The following ALG13 variants were observed in gnomAD, a reference collection of about 807,000 sequenced individuals.
The protein encoded by ALG13 is ALG13 UDP-N-acetylglucosaminyltransferase subunit.
ALG13 carries 11 observed loss-of-function variants against 87.8 expected under a neutral mutation model. The observed-to-expected ratio is 0.13, with a 90% CI of 0.08 to 0.21. The LOEUF (loss-of-function observed/expected upper bound fraction) is 0.21. ALG13 is among the 10% of genes least tolerant of loss of function. ALG13 has a pLI of 1.00. For missense variants in ALG13, 756 were observed against 866.1 expected, an observed-to-expected ratio of 0.87 and a Z score of 1.60; for synonymous variants, 320 against 306.3, an observed-to-expected ratio of 1.04 and a Z score of -0.47.
chrX:111,736,211 G>A (rs1400843925), intron 22 of ALG13, among the ~76,000 whole-genome samples: 1 of 111,639 alleles, frequency 9.0e-6, no homozygotes, highest in Non-Finnish European at 1.9e-5. Context: ...GGCTGAGGTG[G>A]GAGAATCACT....
Position 111,730,442 on chromosome X carries a change from G to T in ALG13, c.2401+15G>T, listed in dbSNP as rs767556580. ...TTATCGTGCAGGTCAGTAAGATCTA[G>T]AAGTGATCTGGCATTCATCATTGTT... On this transcript the variant is annotated intron_variant, in intron 20 of 26. Coordinates refer to ENST00000394780, the MANE Select transcript of ALG13 (RefSeq NM_001099922.3). 8.3e-7 allele frequency: 1 copy of T among 1,203,339 alleles called. No individual in the cohort carries two copies. The highest frequency in any genetic ancestry group is 1.8e-5 in the South Asian group (1 of 56,460).
At chrX:111,752,340 ACT>A (rs1392301485) in intron 24 of ALG13, among the ~76,000 whole-genome samples, 1 of 112,036 alleles carries the variant, frequency 8.9e-6, no homozygotes, top group Non-Finnish European at 1.9e-5. Context: ...GTAGTCATTT[ACT>A]ATAAGGTAAA....
intron 5 of ALG13, chrX:111,711,005 A>G (rs1363373985): frequency 8.9e-6 from 1 of 112,690 alleles, no homozygotes; most frequent in Non-Finnish European, 1.9e-5. Flanking sequence ...CCTGTATGTC[A>G]TTTATATCTC....
intron 3 of ALG13, chrX:111,688,735 C>G: frequency 1.4e-6 from 1 of 740,650 alleles, no homozygotes. Flanking sequence ...CAGAAATTTA[C>G]AATTTATGTG....
Position 111,708,403 on chromosome X carries a change from A to G in ALG13, c.750+10A>G, listed in dbSNP as rs1265276008. On this transcript the variant is annotated intron_variant, in intron 4 of 26. Transcript: ENST00000394780. ...GGCCATTTCGGAGCAGGTAAAAGGA[A>G]AACATATCTTCCCTGTACTGAGTTT... 3 of 1,201,500 alleles carry G rather than the reference A, an allele frequency of 2.5e-6. No individual in the cohort carries two copies. Among genetic ancestry groups the G allele is most frequent in the Non-Finnish European group, 2.2e-6 (2 of 890,925 alleles).
chrX:111,681,212 C>G lies in ALG13; in HGVS notation c.-7C>G. ...CCCTTGCGATCAGGGCTTGAGGAAC[C>G]CGCGCCATGAAGTGCGTGTTTGTTA... On this transcript the variant is annotated 5_prime_UTR_variant, in exon 1 of 27. Transcript: ENST00000394780. 3.3e-6 allele frequency: 4 copies of G among 1,210,959 alleles called. No individual in the cohort carries two copies. The highest frequency in any genetic ancestry group is 4.6e-4 in the Middle Eastern group (2 of 4,353).
At chrX:111,707,501 G>GTAA (rs933649158) in intron 3 of ALG13, among the ~76,000 whole-genome samples, 9 of 111,800 alleles carry the variant, frequency 8.1e-5, no homozygotes, top group African/African-American at 2.6e-4. Context: ...AAATATCCAG[G>GTAA]TAATAGCCTT....
chrX:111,713,002 A>AT (rs1940039958), intron 7 of ALG13, among the ~76,000 whole-genome samples: 1 of 111,526 alleles, frequency 9.0e-6, no homozygotes, highest in South Asian at 3.7e-4. Context: ...ATTAAGATAC[A>AT]TAAAAAAAAA....
rs774646647 is a variant in ALG13 at position 111,708,184 on chromosome X, A to T, written c.541A>T (p.Thr181Ser). 1.7e-6 allele frequency: 2 copies of T among 1,209,210 alleles called. No homozygotes were observed. Among genetic ancestry groups the T allele is most frequent in the Admixed American group, 4.4e-5 (2 of 45,676 alleles). The change falls in exon 4 of 27, where the codon ACC becomes TCC. Residue 181 changes from threonine (T) to serine (S), a missense_variant. Coordinates refer to ENST00000394780, the MANE Select transcript of ALG13 (RefSeq NM_001099922.3). ...KQALVTATHP[T>S]CTLLFPSCHA... ...AGCCCTTGTTACTGCTACCCATCCT[A>T]CCTGCACCCTGCTTTTTCCCTCTTG...
intron 26 of ALG13, among the ~76,000 whole-genome samples, chrX:111,758,996 C>A (rs1945511086): frequency 9.1e-6 from 1 of 110,437 alleles, no homozygotes; most frequent in Admixed American, 9.7e-5. Context: ...TTCTCTCTTC[C>A]TTTCCATTTT....
chrX:111,685,812 T>C (rs1000659657), intron 3 of ALG13, among the ~76,000 whole-genome samples: 1 of 111,681 alleles, frequency 9.0e-6, no homozygotes, highest in Non-Finnish European at 1.9e-5. Context: ...GAGCCAGTCA[T>C]GTGAAGATTT....
intron 16 of ALG13, 33 bp from the exon 17 acceptor site, chrX:111,727,297 TAG>T: frequency 1.9e-6 from 2 of 1,070,486 alleles, no homozygotes; most frequent in Non-Finnish European, 2.6e-6. Context: ...TATTAGTGAA[TAG>T]AGAGTTCTAG....
At chrX:111,756,581 T>A (rs1945281092) in intron 25 of ALG13, among the ~76,000 whole-genome samples, 1 of 111,496 alleles carries the variant, frequency 9.0e-6, no homozygotes, top group Admixed American at 9.6e-5. Flanking sequence ...TATTTTAGTC[T>A]TTCAGGGATC....
Position 111,735,116 on chromosome X carries a change from C to A in ALG13, c.2523C>A (p.Pro841=), listed in dbSNP as rs1229717685. Residue 841 remains proline (P), a synonymous_variant, in exon 22 of 27, where the codon CCC becomes CCA. Coordinates refer to ENST00000394780, the MANE Select transcript of ALG13 (RefSeq NM_001099922.3). The part of the protein sequence containing the change: ...PQDTVTSYNY[P]QKMMGNIAAV... ...ACACAGTTACCTCATACAACTACCC[C>A]CAGAAGGTAATCCTCATAGTGTTAT... 8.6e-7 allele frequency: 1 copy of A among 1,168,899 alleles called. No individual in the cohort carries two copies. The highest frequency in any genetic ancestry group is 1.8e-5 in the African/African-American group (1 of 56,918).
Position 111,757,746 on chromosome X carries a change from G to A in ALG13, c.3132G>A (p.Ala1044=), listed in dbSNP as rs376626719. The A allele has an allele frequency of 5.7e-5, 69 of 1,204,828 alleles. No homozygotes were observed. Among genetic ancestry groups the A allele is most frequent in the Admixed American group, 1.1e-4 (5 of 44,806 alleles). Residue 1044 remains alanine, a synonymous_variant, in exon 26 of 27, where the codon GCG becomes GCA. Coordinates refer to ENST00000394780, the MANE Select transcript of ALG13 (RefSeq NM_001099922.3). ...TGAGGAGAGAAGATGGCATACAGGC[G>A]GAAGCATCAGCAAATGGTGAGTGTG... ...SEVRREDGIQ[A]EASANDTFPN...
chrX:111,690,496 G>A (rs1226987415), intron 3 of ALG13: 2 of 493,171 alleles, frequency 4.1e-6, no homozygotes, highest in African/African-American at 5.2e-5. Flanking sequence ...TTGTTGGTAA[G>A]ATAGTATAAC....
Position 111,721,562 on chromosome X carries a change from C to CT in ALG13, c.1327-40dup, listed in dbSNP as rs761335355. The CT allele has an allele frequency of 5.3e-5, 42 of 791,379 alleles. 2 individuals are homozygous for CT. In the South Asian group the frequency reaches 8.7e-4, roughly 16 times the overall value. 65.2% of individuals were successfully genotyped at this position (791,379 alleles called of 1,213,427 possible). ...TTCTTCCTTCTTCATAGAAGGAAGA[C>CT]TAAGGATTGTGAGTTTGTAGCATGA... On this transcript the variant is annotated intron_variant, in intron 11 of 26. Coordinates refer to ENST00000394780, the MANE Select transcript of ALG13 (RefSeq NM_001099922.3).
rs751454928 is a variant in ALG13, at chrX:111,719,998, A to C, written c.1251-97A>C. ...AGCATTTGCCTTATTTTTAGAACTG[A>C]GTTAATTTACCACTAGGTGGTGGTG... On this transcript the variant is annotated intron_variant, in intron 10 of 26. Transcript: ENST00000394780. 4 of 534,694 alleles carry C rather than the reference A, an allele frequency of 7.5e-6. No homozygotes were observed. In the African/African-American group the frequency reaches 9.5e-5, roughly 13 times the overall value. 44.1% of individuals were successfully genotyped at this position (534,694 alleles called of 1,213,427 possible).
intron 3 of ALG13, among the ~76,000 whole-genome samples, chrX:111,703,451 G>A (rs774044024): frequency 2.4e-4 from 27 of 111,096 alleles, no homozygotes; most frequent in Admixed American, 2.9e-4. Flanking sequence ...TTTGACAAAC[G>A]CGTAATCATG....
Sources: gnomAD v4.1 joint callset for allele counts (sites outside exome capture counted in the v4.1 genomes callset) on GRCh38, gnomAD v4.1.1 for gene constraint, MANE v1.5 for transcripts, NCBI Gene and HGNC (gene_info 2026-07-23, HGNC 2026-07-21) for gene names.